FAM240A: variants seen among roughly 807,000 people sequenced by gnomAD.
FAM240A encodes protein FAM240A.
In FAM240A, 8 loss-of-function variants were observed where a neutral mutation model predicts 7.3. The ratio of observed to expected loss-of-function variants is 1.09; its 90% CI spans 0.64 to 1.97. The LOEUF (loss-of-function observed/expected upper bound fraction) is 1.97. Ranked by LOEUF, FAM240A falls within the 30% of genes most tolerant of loss-of-function variation. The pLI, the probability that FAM240A is intolerant of heterozygous loss-of-function variation, is 0.00. For missense variants in FAM240A, 90 were observed against 102.2 expected, an observed-to-expected ratio of 0.88 and a Z score of 0.52; for synonymous variants, 32 against 35.9, an observed-to-expected ratio of 0.89 and a Z score of 0.38.
intron 1 of FAM240A, among the ~76,000 whole-genome samples, chr3:46,615,850 G>GCACA (rs111864834): frequency 1.7e-4 from 25 of 150,334 alleles, no homozygotes; most frequent in Admixed American, 5.3e-4. Flanking sequence ...ATGTGTGCAC[G>GCACA]CACACACACA....
chr3:46,618,507 G>A (rs759292174), intron 2 of FAM240A, among the ~76,000 whole-genome samples: 31 of 152,264 alleles, frequency 2.0e-4, no homozygotes, highest in Non-Finnish European at 3.7e-4. Context: ...GAACAAAACA[G>A]CCTCTGAAGC....
intron 2 of FAM240A, among the ~76,000 whole-genome samples, chr3:46,621,234 T>C (rs563904604): frequency 1.3e-5 from 2 of 152,332 alleles, no homozygotes; most frequent in South Asian, 2.1e-4. Flanking sequence ...TTTAGAAGTG[T>C]AATATCTTCA....
At chr3:46,617,382 G>A (rs9870935) in intron 2 of FAM240A, 54 bp downstream of exon 2, 1 of 1,431,488 alleles carries the variant, frequency 7.0e-7, no homozygotes, top group South Asian at 1.4e-5. Context: ...AAAATACATC[G>A]TATAATTTAG....
chr3:46,620,071 C>T (rs921180341), intron 2 of FAM240A, among the ~76,000 whole-genome samples: 2 of 152,032 alleles, frequency 1.3e-5, no homozygotes, highest in African/African-American at 4.8e-5. Flanking sequence ...GCTTCCTTGC[C>T]AGGCTGATCT....
chr3:46,612,650 T>G lies in FAM240A; in HGVS notation c.-34T>G. On this transcript the variant is annotated 5_prime_UTR_variant, in exon 1 of 3. Transcript: ENST00000640551. ...CACAGGCGGTCAAGTGCGACACATT[T>G]GGTTCGACTGAATCGATGTCTTCAC... 1 of 1,532,398 alleles carries G rather than the reference T, an allele frequency of 6.5e-7. No homozygotes were observed. The highest frequency in any genetic ancestry group is 2.4e-5 in the East Asian group (1 of 40,898). 94.9% of individuals were successfully genotyped at this position (1,532,398 alleles called of 1,614,324 possible).
intron 2 of FAM240A, among the ~76,000 whole-genome samples, 166 bp downstream of exon 2, chr3:46,617,494 T>C (rs1575385085): frequency 1.3e-5 from 2 of 152,204 alleles, no homozygotes. Context: ...GTGGTACCTT[T>C]GTGACTGTCG....
intron 2 of FAM240A, among the ~76,000 whole-genome samples, chr3:46,618,696 T>C (rs1200317555): frequency 6.6e-6 from 1 of 151,588 alleles, no homozygotes; most frequent in Non-Finnish European, 1.5e-5. Context: ...CAAAATTAGC[T>C]AGGCGTGGTG....
chr3:46,613,351 C>T (rs537776907), intron 1 of FAM240A, among the ~76,000 whole-genome samples: 34 of 151,860 alleles, frequency 2.2e-4, no homozygotes, highest in Admixed American at 4.6e-4. Context: ...AAAATTAGCC[C>T]GGCGTGGTAG....
rs189636294 is a variant in FAM240A at position 46,616,118 on chromosome 3, A to G, written c.16-1065A>G. Among the ~76,000 whole-genome samples the G allele has an allele frequency of 5.4e-3, 829 of 152,358 alleles. 7 individuals are homozygous for G. The highest frequency in any genetic ancestry group is 0.019 in the African/African-American group (778 of 41,588). On this transcript the variant is annotated intron_variant, in intron 1 of 2. Coordinates refer to ENST00000640551, the MANE Select transcript of FAM240A (RefSeq NM_001195442.2). ...AGAAACGATTCTTCTGTGAGGAGGAAGGAAGGGCAGAGGCGTTTGCCAGGT... is the reference window on the plus strand; with the variant it reads ...AGAAACGATTCTTCTGTGAGGAGGAGGGAAGGGCAGAGGCGTTTGCCAGGT...
At chr3:46,624,264 ATTTTTTT>A (rs59290700) in intron 2 of FAM240A, among the ~76,000 whole-genome samples, 1,162 of 96,490 alleles carry the variant, frequency 0.012, 8 homozygotes, top group African/African-American at 0.014. Context: ...ACGGTGGGCT[ATTTTTTT>A]TTTTTTTTTT....
Position 46,618,394 on chromosome 3 carries a change from T to C in FAM240A, c.161+1066T>C, listed in dbSNP as rs1255257785. Among the ~76,000 whole-genome samples, 3 of 152,162 alleles carry C rather than the reference T, an allele frequency of 2.0e-5. No individual in the cohort carries two copies. The East Asian group carries it at 5.8e-4, about 29-fold the overall frequency. The stretch of plus-strand genomic sequence containing the variant: ...ATGCCACTCAGAGTCCTGTACCATG[T>C]GTGGGTTCCCTGGGGAGCAGGCAAA... On this transcript the variant is annotated intron_variant, in intron 2 of 2. Coordinates refer to ENST00000640551, the MANE Select transcript of FAM240A (RefSeq NM_001195442.2).
Position 46,625,313 on chromosome 3 carries a change from T to C in FAM240A, c.*95T>C, listed in dbSNP as rs978117452. 4 of 837,894 alleles carry C rather than the reference T, an allele frequency of 4.8e-6. No individual in the cohort carries two copies. The African/African-American group carries it at 6.8e-5, about 14-fold the overall frequency. The allele number at this position is 837,894 out of a possible 1,614,324, so 51.9% of individuals were successfully genotyped here. A position where few individuals can be genotyped will look rare whatever the true frequency, so the allele number is the denominator to read the frequency against. ...TTCCTGAGTCCCTTTGCTATACCAA[T>C]CAGCTCTCACACTATTGTTTCCCCA... On this transcript the variant is annotated 3_prime_UTR_variant, in exon 3 of 3. Transcript: ENST00000640551.
intron 1 of FAM240A, among the ~76,000 whole-genome samples, chr3:46,616,791 C>T (rs1404667113): frequency 6.6e-6 from 1 of 151,506 alleles, no homozygotes; most frequent in Non-Finnish European, 1.5e-5. Context: ...CATATCTTTG[C>T]AATTGTGAAT....
Position 46,625,671 on chromosome 3 carries a change from C to T in FAM240A, c.*453C>T, listed in dbSNP as rs1252427473. On this transcript the variant is annotated 3_prime_UTR_variant, in exon 3 of 3. Transcript: ENST00000640551. ...TTCTTTTTATGAGAAGAGAAATGCACCTATCTGCAGAAATTAAAAAACAAT... is the reference window on the plus strand; with the variant it reads ...TTCTTTTTATGAGAAGAGAAATGCATCTATCTGCAGAAATTAAAAAACAAT... 6.6e-6 allele frequency: 1 copy of T among 152,066 alleles called. No individual in the cohort carries two copies. The highest frequency in any genetic ancestry group is 1.5e-5 in the Non-Finnish European group (1 of 68,034). 9.4% of individuals were successfully genotyped at this position (152,066 alleles called of 1,614,324 possible). A position where few individuals can be genotyped will look rare whatever the true frequency, so the allele number is the denominator to read the frequency against.
intron 2 of FAM240A, among the ~76,000 whole-genome samples, chr3:46,619,946 A>G (rs78306506): frequency 0.04 from 6,071 of 152,242 alleles, 164 homozygotes; most frequent in Non-Finnish European, 0.065. Context: ...TGAACATATA[A>G]TAAGAAGTGC....
chr3:46,614,515 G>C (rs17221925), intron 1 of FAM240A, among the ~76,000 whole-genome samples: 18,982 of 152,248 alleles, frequency 0.12, 1,368 homozygotes, highest in Non-Finnish European at 0.17. Context: ...TATGCGGATG[G>C]AGGTAGAGAT....
intron 1 of FAM240A, among the ~76,000 whole-genome samples, chr3:46,614,489 G>C (rs1347160717): frequency 1.3e-5 from 2 of 152,228 alleles, no homozygotes; most frequent in African/African-American, 2.4e-5. Flanking sequence ...CAGCTGGTTA[G>C]TTTGTAAAAT....
chr3:46,612,633 G>A lies in FAM240A; in HGVS notation c.-51G>A. The A allele has an allele frequency of 6.6e-7, 1 of 1,506,986 alleles. No homozygotes were observed. Among genetic ancestry groups the A allele is most frequent in the African/African-American group, 1.4e-5 (1 of 72,800 alleles). 93.4% of individuals were successfully genotyped at this position (1,506,986 alleles called of 1,614,324 possible). On this transcript the variant is annotated 5_prime_UTR_variant, in exon 1 of 3. Transcript: ENST00000640551. ...GGGCAGCACAGATGCCTCACAGGCG[G>A]TCAAGTGCGACACATTTGGTTCGAC...
intron 1 of FAM240A, among the ~76,000 whole-genome samples, chr3:46,615,303 C>G (rs1399434740): frequency 6.6e-6 from 1 of 152,020 alleles, no homozygotes; most frequent in Non-Finnish European, 1.5e-5. Flanking sequence ...CTCCATCCAT[C>G]CAGCACAGCC....
Sources: gnomAD v4.1 joint callset for allele counts (sites outside exome capture counted in the v4.1 genomes callset) on GRCh38, gnomAD v4.1.1 for gene constraint, MANE v1.5 for transcripts, NCBI Gene and HGNC (gene_info 2026-07-23, HGNC 2026-07-21) for gene names.